Variants in CDK14 observed in about 807,000 individuals in gnomAD.
CDK14 encodes cyclin dependent kinase 14.
CDK14 carries 34 observed loss-of-function variants against 60.7 expected under a neutral mutation model. The ratio of observed to expected loss-of-function variants is 0.56; its 90% CI spans 0.43 to 0.75. The LOEUF (loss-of-function observed/expected upper bound fraction) is 0.75, where lower values mean the gene tolerates loss of function less well. CDK14 is among the 30% of genes least tolerant of loss of function. The pLI is 0.00. For synonymous variants in CDK14, 197 were observed against 203.7 expected (o/e 0.97, Z 0.28); for missense variants, 482 against 564.1 (o/e 0.85, Z 1.47).
At chr7:91,057,349 G>A (rs1398905173) in intron 11 of CDK14, among the ~76,000 whole-genome samples, 1 of 152,120 alleles carries the variant, frequency 6.6e-6, no homozygotes, top group Admixed American at 6.5e-5. Flanking sequence ...CTCCGATGCT[G>A]TAGGTTGCCT....
chr7:90,915,043 C>A (rs1438440531), intron 7 of CDK14, among the ~76,000 whole-genome samples: 3 of 152,124 alleles, frequency 2.0e-5, no homozygotes, highest in African/African-American at 7.2e-5. Flanking sequence ...GGTACAAGGG[C>A]TTGCAGGGGT....
At chr7:91,067,709 A>G (rs1798020619) in intron 11 of CDK14, among the ~76,000 whole-genome samples, 1 of 152,264 alleles carries the variant, frequency 6.6e-6, no homozygotes, top group Non-Finnish European at 1.5e-5. Context: ...CTCACATGGC[A>G]TGTTTCACTA....
At chr7:90,944,736 A>G (rs973575600) in intron 8 of CDK14, among the ~76,000 whole-genome samples, 32 of 152,318 alleles carry the variant, frequency 2.1e-4, no homozygotes, top group Non-Finnish European at 1.3e-4. Context: ...TTTCTCAAAA[A>G]AGGAAAAACA....
chr7:91,095,951 A>G (rs1798970984), intron 12 of CDK14, among the ~76,000 whole-genome samples: 1 of 151,472 alleles, frequency 6.6e-6, no homozygotes, highest in Admixed American at 6.6e-5. Flanking sequence ...AGGGTTTTGG[A>G]AATACTGTGA....
At chr7:90,782,865 A>T (rs1805403404) in intron 4 of CDK14, among the ~76,000 whole-genome samples, 1 of 152,162 alleles carries the variant, frequency 6.6e-6, no homozygotes, top group Non-Finnish European at 1.5e-5. Context: ...TTGGGGTTCC[A>T]TGAAAATGTT....
At chr7:90,603,863 C>T (rs1395465349) in intron 1 of CDK14, among the ~76,000 whole-genome samples, 2 of 152,126 alleles carry the variant, frequency 1.3e-5, no homozygotes, top group East Asian at 1.9e-4. Context: ...TCTCAAAACC[C>T]AGGAGTTTAA....
chr7:90,805,404 T>C (rs545707262), intron 5 of CDK14, among the ~76,000 whole-genome samples: 8 of 149,542 alleles, frequency 5.3e-5, no homozygotes, highest in Admixed American at 4.7e-4. Context: ...GTTAAAGGCT[T>C]AACAAACTTT....
chr7:91,006,180 T>A (rs770846236), intron 10 of CDK14, among the ~76,000 whole-genome samples: 13 of 152,260 alleles, frequency 8.5e-5, no homozygotes, highest in Non-Finnish European at 1.5e-4. Context: ...AGCATGCTTA[T>A]TTTAATTTGG....
intron 2 of CDK14, among the ~76,000 whole-genome samples, chr7:90,685,731 G>A: frequency 7.0e-6 from 1 of 143,352 alleles, no homozygotes. Flanking sequence ...CTGGCTTCAA[G>A]TGTGTGAGCC....
At chr7:90,881,171 A>G (rs1263989701) in intron 6 of CDK14, among the ~76,000 whole-genome samples, 1 of 152,196 alleles carries the variant, frequency 6.6e-6, no homozygotes, top group Non-Finnish European at 1.5e-5. Context: ...ATTCTAACCT[A>G]ATGCAAAGAA....
intron 10 of CDK14, among the ~76,000 whole-genome samples, chr7:91,012,803 C>G (rs1371080507): frequency 6.6e-6 from 1 of 152,118 alleles, no homozygotes; most frequent in Non-Finnish European, 1.5e-5. Flanking sequence ...ATAGTAAATA[C>G]TCCTCAAAGG....
chr7:90,901,278 TGAGTG>T (rs923779621), intron 7 of CDK14, among the ~76,000 whole-genome samples: 12 of 152,142 alleles, frequency 7.9e-5, no homozygotes, highest in African/African-American at 2.9e-4. Flanking sequence ...AACTTAATGA[TGAGTG>T]AAATGTGTAG....
At chr7:90,745,851 A>G (rs1803569015) in intron 3 of CDK14, among the ~76,000 whole-genome samples, 1 of 152,156 alleles carries the variant, frequency 6.6e-6, no homozygotes, top group Non-Finnish European at 1.5e-5. Flanking sequence ...GTATACTCAT[A>G]TTTGTACTTG....
intron 2 of CDK14, among the ~76,000 whole-genome samples, chr7:90,610,585 G>C (rs1799519716): frequency 6.6e-6 from 1 of 152,216 alleles, no homozygotes; most frequent in Non-Finnish European, 1.5e-5. Flanking sequence ...CAGTTCTGGA[G>C]ACCAGAAGTC....
chr7:91,081,951 C>T (rs1289476871), intron 12 of CDK14, among the ~76,000 whole-genome samples: 6 of 151,686 alleles, frequency 4.0e-5, no homozygotes, highest in African/African-American at 1.5e-4. Flanking sequence ...GTGCATAATC[C>T]ATGTGGGCTC....
intron 5 of CDK14, among the ~76,000 whole-genome samples, chr7:90,858,617 G>T (rs1278981502): frequency 6.6e-6 from 1 of 152,026 alleles, no homozygotes; most frequent in Non-Finnish European, 1.5e-5. Flanking sequence ...GATATTCAGG[G>T]GCCCTTAATT....
intron 14 of CDK14, among the ~76,000 whole-genome samples, chr7:91,201,280 T>A (rs59658757): frequency 0.03 from 4,601 of 152,214 alleles, 236 homozygotes; most frequent in African/African-American, 0.1. Flanking sequence ...AATGTTAGTA[T>A]TTTTTTCTTC....
intron 12 of CDK14, among the ~76,000 whole-genome samples, chr7:91,102,515 G>C (rs1799173737): frequency 6.6e-6 from 1 of 151,908 alleles, no homozygotes; most frequent in Admixed American, 6.6e-5. Flanking sequence ...GAGTTTTATA[G>C]AGATTTAGAA....
intron 1 of CDK14, among the ~76,000 whole-genome samples, chr7:90,598,792 C>T (rs1464792399): frequency 7.4e-6 from 1 of 135,808 alleles, no homozygotes; most frequent in Non-Finnish European, 1.6e-5. Flanking sequence ...GCAAGCTCCG[C>T]CTCCCGGGTT....
Sources: gnomAD v4.1 joint callset for allele counts (sites outside exome capture counted in the v4.1 genomes callset) on GRCh38, gnomAD v4.1.1 for gene constraint, MANE v1.5 for transcripts, NCBI Gene and HGNC (gene_info 2026-07-23, HGNC 2026-07-21) for gene names.